ATF6B: variants seen among roughly 807,000 people sequenced by gnomAD.
ATF6B encodes the protein cyclic AMP-dependent transcription factor ATF-6 beta.
In ATF6B, 50 loss-of-function variants were observed where a neutral mutation model predicts 83.5. That is an observed-to-expected ratio of 0.60 (90% CI 0.48 to 0.76). The LOEUF (loss-of-function observed/expected upper bound fraction) is 0.76. ATF6B is among the 30% of genes least tolerant of loss of function. The pLI is 0.00. For synonymous variants in ATF6B, 344 were observed against 362.8 expected (o/e 0.95, Z 0.59); for missense variants, 790 against 893.8 (o/e 0.88, Z 1.48).
At chr6:32,122,476 T>C (rs1047958773) in intron 5 of ATF6B, among the ~76,000 whole-genome samples, 4 of 152,314 alleles carry the variant, frequency 2.6e-5, no homozygotes, top group African/African-American at 9.6e-5. Flanking sequence ...AGATTGCTTT[T>C]TAAAACTTCA....
rs1782031144 is a variant in ATF6B at position 32,127,471 on chromosome 6, G to T, written c.221C>A (p.Pro74His). The change falls in exon 3 of 18, where the codon CCC becomes CAC. Residue 74 changes from proline (P) to histidine (H), a missense_variant. Transcript: ENST00000375203. ...DVGMDVSPSE[P>H]PWELLPIFPD... The stretch of plus-strand genomic sequence containing the variant: ...GAAGATCGGCAGGAGTTCCCATGGG[G>T]GCTCAGAGGGGCTGACATCCATCCC... The T allele has an allele frequency of 6.2e-7, 1 of 1,613,090 alleles. No individual in the cohort carries two copies. Among genetic ancestry groups the T allele is most frequent in the Non-Finnish European group, 8.5e-7 (1 of 1,179,404 alleles).
At chr6:32,126,385 C>CAG in intron 4 of ATF6B, 133 bp from the exon 5 acceptor site, 10 of 1,069,068 alleles carry the variant, frequency 9.4e-6, no homozygotes, top group South Asian at 1.7e-5. Context: ...ACATTCTGGT[C>CAG]TGAATGGTAC....
Position 32,127,888 on chromosome 6 carries a change from G to T in ATF6B, c.92-138C>A, listed in dbSNP as rs1582541185. 11 of 1,070,200 alleles carry T rather than the reference G, an allele frequency of 1.0e-5. No individual in the cohort carries two copies. The South Asian group carries it at 1.0e-4, about 10-fold the overall frequency. 66.3% of individuals were successfully genotyped at this position (1,070,200 alleles called of 1,614,324 possible). A position where few individuals can be genotyped will look rare whatever the true frequency, so the allele number is the denominator to read the frequency against. ...CCACTTGAAAAGTGATACAACCAGGGCGCTTCAGCCCCTCCTTCCCCGACC... is the reference window on the plus strand; with the variant it reads ...CCACTTGAAAAGTGATACAACCAGGTCGCTTCAGCCCCTCCTTCCCCGACC... On this transcript the variant is annotated intron_variant, in intron 1 of 17. Transcript: ENST00000375203.
chr6:32,121,251 G>C lies in ATF6B; in HGVS notation c.564+12C>G. The C allele has an allele frequency of 6.2e-7, 1 of 1,613,682 alleles. No individual in the cohort carries two copies. The highest frequency in any genetic ancestry group is 1.3e-5 in the African/African-American group (1 of 75,066). On this transcript the variant is annotated intron_variant, in intron 6 of 17. Transcript: ENST00000375203. ...TGGAAAACCTGGAGGAAGGAAGGAAGGTGGTGCTCACCTGGCTGGAGGAGT... is the reference window on the plus strand; with the variant it reads ...TGGAAAACCTGGAGGAAGGAAGGAACGTGGTGCTCACCTGGCTGGAGGAGT...
intron 8 of ATF6B, 25 bp downstream of exon 8, chr6:32,120,746 C>G: frequency 6.2e-7 from 1 of 1,605,358 alleles, no homozygotes; most frequent in Non-Finnish European, 8.5e-7. Context: ...CCACCATGCC[C>G]GGCCCTTTTC....
In ATF6B at chr6:32,118,117, A is replaced by G; in HGVS notation, c.1245-79T>C. On this transcript the variant is annotated intron_variant, in intron 11 of 17. Coordinates refer to ENST00000375203, the MANE Select transcript of ATF6B (RefSeq NM_004381.5). This position sits in a 1 kb window ranked among gnomAD's most constrained non-coding sequence, Gnocchi z 5.2. ...CTAGGTAAGAATAAAGACTCTGCAG[A>G]TGGACTGCTTGAGTTGCAATCTGTT... The G allele has an allele frequency of 6.4e-7, 1 of 1,556,326 alleles. No individual in the cohort carries two copies. The highest frequency in any genetic ancestry group is 1.1e-5 in the South Asian group (1 of 88,716).
At position 32,126,101 on chromosome 6, in the gene ATF6B, C is replaced by T. The variant is rs749785081; in HGVS notation, c.478+16G>A. 3.7e-6 allele frequency: 6 copies of T among 1,613,802 alleles called. No homozygotes were observed. The highest frequency in any genetic ancestry group is 3.3e-4 in the Middle Eastern group (2 of 6,084). ...CCGTAGTAGAGCCAAGGATTGGGGG[C>T]AGGCTGTTTTATTACCTGAGGAATC... is the stretch of plus-strand genomic sequence containing the variant. On this transcript the variant is annotated intron_variant, in intron 5 of 17. Coordinates refer to ENST00000375203, the MANE Select transcript of ATF6B (RefSeq NM_004381.5).
At position 32,115,724 on chromosome 6, in the gene ATF6B, T is replaced by C. The variant is rs756856543; in HGVS notation, c.*15A>G. 14 of 1,563,846 alleles carry C rather than the reference T, an allele frequency of 9.0e-6. No homozygotes were observed. In the African/African-American group the frequency reaches 1.9e-4, roughly 21 times the overall value. On this transcript the variant is annotated 3_prime_UTR_variant, in exon 18 of 18. Coordinates refer to ENST00000375203, the MANE Select transcript of ATF6B (RefSeq NM_004381.5). Reference sequence around the variant, plus strand: ...ACCCCCTCCCCCCGTTCTAAGTCAGTGTGAATGGCAGAGGTCAGGGATGAT... The same window carrying C: ...ACCCCCTCCCCCCGTTCTAAGTCAGCGTGAATGGCAGAGGTCAGGGATGAT...
chr6:32,119,682 C>T lies in ATF6B; in HGVS notation c.966+142G>A. The T allele has an allele frequency of 8.0e-7, 1 of 1,247,846 alleles. No homozygotes were observed. Among genetic ancestry groups the T allele is most frequent in the African/African-American group, 1.5e-5 (1 of 66,192 alleles). The allele number at this position is 1,247,846 out of a possible 1,614,324, so 77.3% of individuals were successfully genotyped here. On this transcript the variant is annotated intron_variant, in intron 9 of 17. Coordinates refer to ENST00000375203, the MANE Select transcript of ATF6B (RefSeq NM_004381.5). The surrounding 1 kb of genome is among the most constrained non-coding windows in gnomAD (Gnocchi z 4.9). ...ATAGAAACAGGAGTCCATTCTGACC[C>T]TCAGAATGATCTAATGGGTCCGTTT...
chr6:32,124,365 G>A (rs1781882498), intron 5 of ATF6B, among the ~76,000 whole-genome samples: 1 of 152,166 alleles, frequency 6.6e-6, no homozygotes, highest in South Asian at 2.1e-4. Context: ...CCAATGTCCA[G>A]GAGGTCACAA....
intron 5 of ATF6B, among the ~76,000 whole-genome samples, chr6:32,124,386 C>A (rs1169802585): frequency 6.6e-6 from 1 of 152,190 alleles, no homozygotes; most frequent in Non-Finnish European, 1.5e-5. Context: ...CTCATCTATT[C>A]CACTTCATTC....
In ATF6B at chr6:32,118,871, G is replaced by C; in HGVS notation, c.1153-5C>G. The C allele has an allele frequency of 1.9e-6, 3 of 1,614,220 alleles. No homozygotes were observed. The highest frequency in any genetic ancestry group is 2.5e-6 in the Non-Finnish European group (3 of 1,180,034). On this transcript the variant is annotated splice_polypyrimidine_tract_variant and splice_region_variant and intron_variant, in intron 10 of 17. Transcript: ENST00000375203. This position sits in a 1 kb window ranked among gnomAD's most constrained non-coding sequence, Gnocchi z 5.2. ...CCCTAACTTGAGCTCGCTGTTCTAA[G>C]GTACAAAGAAGGAGACAAGAAAAAG...
Position 32,128,214 on chromosome 6 carries a change from C to CCCCCCCCCCCCCACCACCACACGGCT in ATF6B, c.-8_-7insAGCCGTGTGGTGGTGGGGGGGGGGGG. The CCCCCCCCCCCCCACCACCACACGGCT allele has an allele frequency of 6.5e-7, 1 of 1,545,256 alleles. No individual in the cohort carries two copies. The highest frequency in any genetic ancestry group is 8.8e-7 in the Non-Finnish European group (1 of 1,140,548). On this transcript the variant is annotated 5_prime_UTR_variant, in exon 1 of 18. Coordinates refer to ENST00000375203, the MANE Select transcript of ATF6B (RefSeq NM_004381.5). Reference sequence around the variant, plus strand: ...GCAGCATCAGCTCCGCCATCTTTCCCCCCCACCCCCCAACCAGGAGACGGT... The same window carrying CCCCCCCCCCCCCACCACCACACGGCT: ...GCAGCATCAGCTCCGCCATCTTTCCCCCCCCCCCCCCCACCACCACACGGCTCCCCACCCCCCAACCAGGAGACGGT...
At chr6:32,121,239 G>C (rs1297861284) in intron 6 of ATF6B, 24 bp downstream of exon 6, 2 of 1,612,554 alleles carry the variant, frequency 1.2e-6, no homozygotes, top group Non-Finnish European at 8.5e-7. Flanking sequence ...AAAACCTGGA[G>C]GAAGGAAGGA....
At position 32,117,025 on chromosome 6, in the gene ATF6B, C is replaced by A; in HGVS notation, c.1685+12G>T. ...TTTCACTTAATAAGTAAGCACCCCA[C>A]CCCACACTCACCTTTCTGGGGGTCC... On this transcript the variant is annotated intron_variant, in intron 15 of 17. Transcript: ENST00000375203. The surrounding 1 kb of genome is among the most constrained non-coding windows in gnomAD (Gnocchi z 5.0). The A allele has an allele frequency of 6.2e-7, 1 of 1,613,328 alleles. No homozygotes were observed. The highest frequency in any genetic ancestry group is 8.5e-7 in the Non-Finnish European group (1 of 1,179,426).
Position 32,118,659 on chromosome 6 carries a change from A to G in ATF6B, c.1244+116T>C. On this transcript the variant is annotated intron_variant, in intron 11 of 17. Coordinates refer to ENST00000375203, the MANE Select transcript of ATF6B (RefSeq NM_004381.5). This position sits in a 1 kb window ranked among gnomAD's most constrained non-coding sequence, Gnocchi z 5.2. ...GCCAGACACATCATCGGTGCCAAGG[A>G]CACCAGAACCATTTGTATATAAGCA... 9.9e-7 allele frequency: 1 copy of G among 1,013,472 alleles called. No individual in the cohort carries two copies. The highest frequency in any genetic ancestry group is 1.5e-6 in the Non-Finnish European group (1 of 667,008). 62.8% of individuals were successfully genotyped at this position (1,013,472 alleles called of 1,614,324 possible). A position where few individuals can be genotyped will look rare whatever the true frequency, so the allele number is the denominator to read the frequency against.
At chr6:32,120,933 A>G (rs1171702568) in intron 7 of ATF6B, 31 bp from the exon 8 acceptor site, 1 of 1,523,826 alleles carries the variant, frequency 6.6e-7, no homozygotes, top group Non-Finnish European at 8.8e-7. Flanking sequence ...AGAACAAGAA[A>G]TGTCAGGACC....
intron 8 of ATF6B, 133 bp downstream of exon 8, chr6:32,120,638 A>G (rs1236839678): frequency 1.8e-6 from 2 of 1,132,602 alleles, no homozygotes; most frequent in Non-Finnish European, 2.4e-6. Flanking sequence ...TTTAGTAGAG[A>G]CAAGGTTTCA....
chr6:32,118,800 TGAAGA>T lies in ATF6B; in HGVS notation c.1214_1218del (p.Leu405HisfsTer12). The T allele has an allele frequency of 1.9e-6, 3 of 1,614,140 alleles. No homozygotes were observed. Among genetic ancestry groups the T allele is most frequent in the Non-Finnish European group, 8.5e-7 (1 of 1,180,000 alleles). ...CTGACAGGTCCAAAGTTGAAGGCAA[TGAAGA>T]GAAGGAAGACCATGATGCAGACCAC... On this transcript the variant is annotated frameshift_variant, in exon 11 of 18. Transcript: ENST00000375203. LOFTEE classifies it high-confidence loss of function. The surrounding 1 kb of genome is among the most constrained non-coding windows in gnomAD (Gnocchi z 5.2).
Sources: allele counts gnomAD v4.1 joint callset (sites outside exome capture counted in the v4.1 genomes callset), GRCh38; gene constraint gnomAD v4.1.1; non-coding constraint Gnocchi (gnomAD v3.1); transcripts MANE v1.5; gene names NCBI Gene and HGNC (gene_info 2026-07-23, HGNC 2026-07-21).